Variants in ENTPD5 observed in about 807,000 individuals in gnomAD.
The protein encoded by ENTPD5 is nucleoside diphosphate phosphatase ENTPD5.
ENTPD5 carries 49 observed loss-of-function variants against 60.2 expected under a neutral mutation model. The observed-to-expected ratio is 0.81, with a 90% CI of 0.65 to 1.03. ENTPD5 has a LOEUF of 1.03. Among genes scored for constraint, ENTPD5 ranks in the 50% least tolerant of loss-of-function variants. ENTPD5 has a pLI of 0.00. For synonymous variants in ENTPD5, 187 were observed against 185.4 expected, an observed-to-expected ratio of 1.01 and a Z score of -0.07; for missense variants, 480 against 507.6, an observed-to-expected ratio of 0.95 and a Z score of 0.52.
downstream of ENTPD5, chr14:73,960,858 A>G: frequency 2.3e-6 from 1 of 444,202 alleles, no homozygotes; most frequent in Non-Finnish European, 4.2e-6. Context: ...GAGGAGAGTC[A>G]TGGAGGTAGA....
chr14:74,002,250 C>T, intron 3 of ENTPD5, among the ~76,000 whole-genome samples: 1 of 152,078 alleles, frequency 6.6e-6, no homozygotes, highest in African/African-American at 2.4e-5. Flanking sequence ...TCCAGAGCCA[C>T]AGTCTTAACT....
chr14:73,968,092 C>T (rs1046829234), intron 15 of ENTPD5, among the ~76,000 whole-genome samples: 1 of 152,050 alleles, frequency 6.6e-6, no homozygotes, highest in African/African-American at 2.4e-5. Context: ...CCATTGCACT[C>T]CAGCCTGGGC....
chr14:74,002,970 C>T (rs965974237), intron 3 of ENTPD5, among the ~76,000 whole-genome samples: 3 of 152,190 alleles, frequency 2.0e-5, no homozygotes, highest in Non-Finnish European at 2.9e-5. Context: ...TGCCTTAGGG[C>T]CTTCGCTCTA....
rs375982603 is a variant in ENTPD5, at chr14:73,976,595, GT to G, written c.554-184del. Among the ~76,000 whole-genome samples, 427 of 139,870 alleles carry G rather than the reference GT, an allele frequency of 3.1e-3. 2 individuals carry two copies. The highest frequency in any genetic ancestry group is 7.0e-3 in the Admixed American group (97 of 13,886). 91.8% of individuals were successfully genotyped at this position (139,870 alleles called of 152,430 possible). ...TGCAGCAGAGGCCTTCAAGGCAGGT[GT>G]TTTTTTTTTTTTTGGAAGGCCTTTT... On this transcript the variant is annotated intron_variant, in intron 8 of 15. Transcript: ENST00000334696.
chr14:73,963,199 A>G, downstream of ENTPD5: 1 of 611,788 alleles, frequency 1.6e-6, no homozygotes, highest in East Asian at 2.8e-5. Context: ...TAGCCAGACC[A>G]AAGGAAAAAA....
chr14:73,970,199 A>C, intron 14 of ENTPD5, 74 bp from the exon 15 acceptor site: 1 of 1,136,514 alleles, frequency 8.8e-7, no homozygotes, highest in Non-Finnish European at 1.3e-6. Flanking sequence ...CTTAGAAAGA[A>C]GTGGAATAGG....
Position 73,992,026 on chromosome 14 carries a change from A to ATAT in ENTPD5, c.-70-3855_-70-3854insATA, listed in dbSNP as rs202056669. Among the ~76,000 whole-genome samples the ATAT allele has an allele frequency of 6.0e-5, 9 of 150,966 alleles. No individual in the cohort carries two copies. In the South Asian group the frequency reaches 1.0e-3, roughly 18 times the overall value. On this transcript the variant is annotated intron_variant, in intron 3 of 15. Transcript: ENST00000334696. ...CAAAAAAAAAGTATATATATATATA[A>ATAT]AATATTTTCATATATATGTATGTAT...
At chr14:74,006,671 C>T (rs1351713257) in intron 3 of ENTPD5, among the ~76,000 whole-genome samples, 1 of 151,084 alleles carries the variant, frequency 6.6e-6, no homozygotes, top group East Asian at 2.0e-4. Context: ...CTGCAACCTT[C>T]ACCTCCTGAG....
intron 3 of ENTPD5, among the ~76,000 whole-genome samples, chr14:74,005,550 G>A (rs1332874997): frequency 1.3e-5 from 2 of 152,062 alleles, no homozygotes; most frequent in African/African-American, 2.4e-5. Flanking sequence ...GCTCACGCCT[G>A]TAATCCCAGC....
intron 3 of ENTPD5, among the ~76,000 whole-genome samples, chr14:74,007,390 G>A (rs994203604): frequency 2.0e-5 from 3 of 152,022 alleles, no homozygotes; most frequent in South Asian, 2.1e-4. Context: ...GCATGCTGGC[G>A]CATGCCTGTA....
At chr14:73,968,871 A>G (rs1480690090) in intron 15 of ENTPD5, among the ~76,000 whole-genome samples, 1 of 152,250 alleles carries the variant, frequency 6.6e-6, no homozygotes, top group Non-Finnish European at 1.5e-5. Context: ...ATAACTTACT[A>G]CAGATAAAGT....
chr14:73,981,385 A>G (rs2057682463), intron 6 of ENTPD5, among the ~76,000 whole-genome samples: 1 of 151,376 alleles, frequency 6.6e-6, no homozygotes, highest in East Asian at 1.9e-4. Flanking sequence ...TATAATCCCA[A>G]CTACTCTGGA....
downstream of ENTPD5, chr14:73,962,857 C>A: frequency 1.1e-6 from 1 of 926,062 alleles, no homozygotes; most frequent in Admixed American, 2.2e-5. Flanking sequence ...CTTTTTTTAG[C>A]TGAAATAAAA....
At chr14:73,981,666 G>T (rs1594879739) in intron 6 of ENTPD5, among the ~76,000 whole-genome samples, 1 of 151,480 alleles carries the variant, frequency 6.6e-6, no homozygotes, top group Non-Finnish European at 1.5e-5. Flanking sequence ...AATTAGCCGG[G>T]TGTGGTGGCA....
chr14:73,981,238 C>T (rs889998370), intron 6 of ENTPD5, among the ~76,000 whole-genome samples: 84 of 151,998 alleles, frequency 5.5e-4, no homozygotes, highest in African/African-American at 1.9e-3. Context: ...CAGTGGCTCA[C>T]GTCTGTAATC....
At chr14:74,013,163 T>C (rs2058897524) in intron 2 of ENTPD5, among the ~76,000 whole-genome samples, 1 of 152,210 alleles carries the variant, frequency 6.6e-6, no homozygotes, top group Admixed American at 6.5e-5. Flanking sequence ...TCTAATAAGT[T>C]ACCAGGTGAA....
intron 2 of ENTPD5, among the ~76,000 whole-genome samples, chr14:74,011,411 CA>C (rs1265308019): frequency 2.6e-5 from 4 of 152,124 alleles, no homozygotes; most frequent in Non-Finnish European, 5.9e-5. Flanking sequence ...AAGTCACCAA[CA>C]GCAAGAGAAG....
chr14:73,996,190 A>C, intron 3 of ENTPD5: 1 of 985,260 alleles, frequency 1.0e-6, no homozygotes, highest in South Asian at 4.7e-5. Context: ...AGCTCTTCTT[A>C]ATCAAGCGAG....
At position 73,964,681 on chromosome 14, in the gene ENTPD5, T is replaced by G. The variant is rs1297818138; in HGVS notation, c.*2247A>C. On this transcript the variant is annotated 3_prime_UTR_variant, in exon 16 of 16. Transcript: ENST00000334696. ...GAAACATGGATGACATTTAGTGTTC[T>G]GTGACTGGTCTGGCACCCTACTTTT... is the stretch of plus-strand genomic sequence containing the variant. 1 of 152,226 alleles carries G rather than the reference T, an allele frequency of 6.6e-6. No individual in the cohort carries two copies. Among genetic ancestry groups the G allele is most frequent in the Non-Finnish European group, 1.5e-5 (1 of 68,048 alleles). The allele number at this position is 152,226 out of a possible 1,614,324, so 9.4% of individuals were successfully genotyped here.
Sources: gnomAD v4.1 joint callset for allele counts (sites outside exome capture counted in the v4.1 genomes callset) on GRCh38, gnomAD v4.1.1 for gene constraint, MANE v1.5 for transcripts, NCBI Gene and HGNC (gene_info 2026-07-23, HGNC 2026-07-21) for gene names.